MROH1: variants seen among roughly 807,000 people sequenced by gnomAD.
MROH1 encodes maestro heat like repeat family member 1.
Under a neutral mutation model 116.5 loss-of-function variants are expected in MROH1, and 117 were observed. The ratio of observed to expected loss-of-function variants is 1.00; its 90% CI spans 0.86 to 1.17. MROH1 has a LOEUF of 1.17. MROH1 is among the 50% of genes most tolerant of loss of function. MROH1 has a pLI of 0.00. For missense variants in MROH1, 1,873 were observed against 1,338.5 expected (o/e 1.40, Z -6.23); for synonymous variants, 921 against 583.9 (o/e 1.58, Z -8.32).
In MROH1 at chr8:144,215,119, C is replaced by T. The variant is rs976689946; in HGVS notation, c.1142-5481C>T. Among the ~76,000 whole-genome samples the T allele has an allele frequency of 3.3e-5, 5 of 152,326 alleles. No homozygotes were observed. In the East Asian group the frequency reaches 9.6e-4, roughly 29 times the overall value. The stretch of plus-strand genomic sequence containing the variant: ...AATGTTAATCTCCTTTGGTGACACC[C>T]TCACAGACACATCCAGGAACAATAC... On this transcript the variant is annotated intron_variant, in intron 12 of 43. Coordinates refer to ENST00000326134, the MANE Select transcript of MROH1 (RefSeq NM_032450.3).
intron 13 of MROH1, among the ~76,000 whole-genome samples, 158 bp downstream of exon 13, chr8:144,220,831 T>TG (rs1280115606): frequency 6.6e-6 from 1 of 152,158 alleles, no homozygotes; most frequent in East Asian, 1.9e-4. Flanking sequence ...ATTCAGTGTG[T>TG]GGCTGGTGCT....
intron 7 of MROH1, among the ~76,000 whole-genome samples, chr8:144,189,159 G>T (rs933232351): frequency 1.1e-4 from 16 of 152,240 alleles, no homozygotes; most frequent in African/African-American, 3.6e-4. Flanking sequence ...ACTCTGGAGA[G>T]AGTGGGCCCA....
intron 8 of MROH1, 132 bp from the exon 9 acceptor site, chr8:144,191,583 C>A: frequency 8.1e-7 from 1 of 1,233,918 alleles, no homozygotes; most frequent in Non-Finnish European, 1.1e-6. Flanking sequence ...GCTAGGCTCA[C>A]GTCCCAGCCC....
At chr8:144,159,179 GAA>G in intron 1 of MROH1, among the ~76,000 whole-genome samples, 1 of 152,272 alleles carries the variant, frequency 6.6e-6, no homozygotes, top group Non-Finnish European at 1.5e-5. Flanking sequence ...CCAATGTGGT[GAA>G]ACCCCATCTC....
At position 144,260,011 on chromosome 8, in the gene MROH1, T is replaced by C; in HGVS notation, c.4145T>C (p.Leu1382Pro). The C allele has an allele frequency of 1.4e-6, 1 of 729,542 alleles. No homozygotes were observed. The highest frequency in any genetic ancestry group is 1.9e-5 in the Admixed American group (1 of 52,534). 45.2% of individuals were successfully genotyped at this position (729,542 alleles called of 1,614,324 possible). A position where few individuals can be genotyped will look rare whatever the true frequency, so the allele number is the denominator to read the frequency against. ...GACACATGCGCCAGCGTGCGGAGGC[T>C]GGTGCTCCGCGGCCTGGCCAACCTG... ...QKDTCASVRR[L>P]VLRGLANLAS... The change falls in exon 38 of 44, where the codon CTG becomes CCG. Residue 1382 changes from leucine (L) to proline (P), a missense_variant. Leu to Pro is a moderately conservative substitution (Grantham distance 98). Coordinates refer to ENST00000326134, the MANE Select transcript of MROH1 (RefSeq NM_032450.3).
At chr8:144,199,297 T>A in intron 11 of MROH1, 97 bp downstream of exon 11, 1 of 1,324,140 alleles carries the variant, frequency 7.6e-7, no homozygotes, top group South Asian at 1.3e-5. Context: ...GGGGTACTGG[T>A]CGGGGATGAG....
At chr8:144,153,051 C>G (rs983279255) in intron 1 of MROH1, among the ~76,000 whole-genome samples, 1 of 152,154 alleles carries the variant, frequency 6.6e-6, no homozygotes, top group Non-Finnish European at 1.5e-5. Flanking sequence ...CGGTAACCAC[C>G]GTTCTACTCT....
chr8:144,261,642 C>T lies in MROH1; in HGVS notation c.4841-13C>T. 2 of 710,414 alleles carry T rather than the reference C, an allele frequency of 2.8e-6. No individual in the cohort carries two copies. Among genetic ancestry groups the T allele is most frequent in the African/African-American group, 1.7e-5 (1 of 57,418 alleles). 44.0% of individuals were successfully genotyped at this position (710,414 alleles called of 1,614,324 possible). A position where few individuals can be genotyped will look rare whatever the true frequency, so the allele number is the denominator to read the frequency against. On this transcript the variant is annotated splice_polypyrimidine_tract_variant and intron_variant, in intron 43 of 43. Transcript: ENST00000326134. ...GTCACAGCCCGCAGGCAGCCCCCCT[C>T]CTCTACCCCCAGCGCTCCAGATCCT...
At chr8:144,257,384 G>A (rs1039001947) in intron 35 of MROH1, among the ~76,000 whole-genome samples, 33 of 152,244 alleles carry the variant, frequency 2.2e-4, no homozygotes, top group African/African-American at 7.9e-4. Flanking sequence ...TGGGGACAGT[G>A]GTATACTGGG....
At chr8:144,215,100 A>G (rs1255856128) in intron 12 of MROH1, among the ~76,000 whole-genome samples, 1 of 152,118 alleles carries the variant, frequency 6.6e-6, no homozygotes, top group Non-Finnish European at 1.5e-5. Context: ...CTCAAATGTT[A>G]ATCTCCTTTG....
intron 20 of MROH1, 45 bp downstream of exon 20, chr8:144,240,722 G>A (rs1840831119): frequency 4.2e-6 from 3 of 709,428 alleles, no homozygotes; most frequent in Admixed American, 4.0e-5. Context: ...TGGGCTCCGA[G>A]TTTCTGGGTC....
At chr8:144,221,656 C>T (rs1021677444) in intron 13 of MROH1, among the ~76,000 whole-genome samples, 17 of 152,254 alleles carry the variant, frequency 1.1e-4, no homozygotes, top group Non-Finnish European at 1.5e-4. Context: ...CACTCCCCAG[C>T]GTTCAGAGCT....
intron 12 of MROH1, among the ~76,000 whole-genome samples, chr8:144,204,994 A>G (rs1039517293): frequency 1.3e-5 from 2 of 152,210 alleles, no homozygotes; most frequent in Admixed American, 1.3e-4. Context: ...CTTATGTCTC[A>G]CAAGTGGCTT....
At chr8:144,250,945 C>T (rs921234224) in intron 33 of MROH1, 62 of 194,210 alleles carry the variant, frequency 3.2e-4, no homozygotes, top group African/African-American at 1.4e-3. Context: ...CTCGCCGAGG[C>T]CTCCGGAGCA....
intron 12 of MROH1, among the ~76,000 whole-genome samples, chr8:144,202,860 G>GT (rs1271562327): frequency 1.2e-5 from 1 of 81,972 alleles, no homozygotes; most frequent in Admixed American, 1.1e-4. Context: ...GGGCGGGGGG[G>GT]GGAGCGCCCA....
Position 144,254,890 on chromosome 8 carries a change from A to T in MROH1, c.3506A>T (p.Lys1169Met), listed in dbSNP as rs904099965. ...AAQVLGLLLEKMSRDVPFKES... is the reference protein window; with the variant it reads ...AAQVLGLLLEMMSRDVPFKES... ...CAGGTCCTGGGGCTGCTGCTGGAGA[A>T]GATGAGTAGGGACGTCCCTTTCAAG... is the stretch of plus-strand genomic sequence containing the variant. Residue 1169 changes from lysine (K) to methionine (M), a missense_variant, in exon 34 of 44, where the codon AAG (lysine) becomes ATG (methionine). Lys to Met is a moderately conservative substitution (Grantham distance 95). Coordinates refer to ENST00000326134, the MANE Select transcript of MROH1 (RefSeq NM_032450.3). The T allele has an allele frequency of 1.2e-5, 9 of 778,034 alleles. No individual in the cohort carries two copies. The Admixed American group carries it at 1.4e-4, about 12-fold the overall frequency. The allele number at this position is 778,034 out of a possible 1,614,324, so 48.2% of individuals were successfully genotyped here.
At chr8:144,234,657 C>G (rs1360835034) in intron 14 of MROH1, among the ~76,000 whole-genome samples, 2 of 148,836 alleles carry the variant, frequency 1.3e-5, no homozygotes, top group African/African-American at 2.5e-5. Context: ...GCTGGGATTA[C>G]AGGCGCCCAC....
At chr8:144,205,517 G>GACACACAC (rs10695749) in intron 12 of MROH1, among the ~76,000 whole-genome samples, 2 of 148,596 alleles carry the variant, frequency 1.3e-5, no homozygotes, top group African/African-American at 2.5e-5. Context: ...CATATATATA[G>GACACACAC]ACACACACAC....
In MROH1 at chr8:144,156,138, GAGGCA is replaced by G. The variant is rs1380016986; in HGVS notation, c.-176-4831_-176-4827del. Among the ~76,000 whole-genome samples the G allele has an allele frequency of 8.9e-4, 135 of 151,502 alleles. 5 individuals are homozygous for G. The highest frequency in any genetic ancestry group is 5.3e-4 in the Admixed American group (8 of 15,188). ...TGTAATCCCAGCTACTCTGGAGGCT[GAGGCA>G]GGAGAATCACTTGAACCCGGGAGGT... On this transcript the variant is annotated intron_variant, in intron 1 of 43. Coordinates refer to ENST00000326134, the MANE Select transcript of MROH1 (RefSeq NM_032450.3).
Sources: gnomAD v4.1 joint callset for allele counts (sites outside exome capture counted in the v4.1 genomes callset) on GRCh38, gnomAD v4.1.1 for gene constraint, MANE v1.5 for transcripts, NCBI Gene and HGNC (gene_info 2026-07-23, HGNC 2026-07-21) for gene names.